LAMA2: variants seen among roughly 807,000 people sequenced by gnomAD.
LAMA2 encodes laminin subunit alpha 2.
LAMA2 carries 269 observed loss-of-function variants against 364.8 expected under a neutral mutation model. That is an observed-to-expected ratio of 0.74 (90% CI 0.67 to 0.82). The LOEUF is 0.82. Among genes scored for constraint, LAMA2 ranks in the 40% least tolerant of loss-of-function variants. The pLI is 0.00. For synonymous variants in LAMA2, 1,379 were observed against 1,370.6 expected, an observed-to-expected ratio of 1.01 and a Z score of -0.14; for missense variants, 3,807 against 3,873.2, an observed-to-expected ratio of 0.98 and a Z score of 0.45.
intron 3 of LAMA2, among the ~76,000 whole-genome samples, chr6:129,077,858 G>T (rs1393792871): frequency 6.6e-6 from 1 of 152,132 alleles, no homozygotes; most frequent in Non-Finnish European, 1.5e-5. Flanking sequence ...ACTAAATCAG[G>T]ATTTGAGGGA....
At chr6:129,493,661 A>G (rs1785001998) in intron 58 of LAMA2, among the ~76,000 whole-genome samples, 1 of 152,234 alleles carries the variant, frequency 6.6e-6, no homozygotes, top group African/African-American at 2.4e-5. Context: ...TCACCAGCCC[A>G]GGGCTAAACA....
At chr6:129,360,958 G>A (rs1297788038) in intron 32 of LAMA2, among the ~76,000 whole-genome samples, 1 of 152,114 alleles carries the variant, frequency 6.6e-6, no homozygotes, top group Admixed American at 6.6e-5. Context: ...ATCTAGTAAG[G>A]AGTATCTAGC....
chr6:129,257,844 T>A (rs564631355), intron 14 of LAMA2, among the ~76,000 whole-genome samples: 2 of 152,246 alleles, frequency 1.3e-5, no homozygotes, highest in African/African-American at 4.8e-5. Context: ...AAGTAATTTG[T>A]CTTTTACTTT....
intron 27 of LAMA2, 27 bp from the exon 28 acceptor site, chr6:129,320,511 A>T: frequency 1.6e-6 from 2 of 1,281,020 alleles, no homozygotes; most frequent in Non-Finnish European, 2.3e-6. Context: ...TGTCATAGTA[A>T]TCTAAGTACA....
chr6:129,059,322 A>T (rs1788720595), intron 2 of LAMA2, among the ~76,000 whole-genome samples: 1 of 152,162 alleles, frequency 6.6e-6, no homozygotes, highest in Admixed American at 6.5e-5. Flanking sequence ...ATAATAATGA[A>T]TGTGTCAGAA....
intron 12 of LAMA2, among the ~76,000 whole-genome samples, chr6:129,249,678 G>A (rs1786032508): frequency 6.6e-6 from 1 of 152,106 alleles, no homozygotes. Flanking sequence ...CTGTCAAATG[G>A]AGGGATGTCT....
intron 1 of LAMA2, among the ~76,000 whole-genome samples, chr6:128,960,427 C>T (rs1022978056): frequency 1.3e-5 from 2 of 151,108 alleles, no homozygotes; most frequent in Non-Finnish European, 2.9e-5. Context: ...CAGCCTCTGC[C>T]TCCCAGGTTC....
At chr6:129,152,056 A>C (rs1778838128) in intron 7 of LAMA2, among the ~76,000 whole-genome samples, 1 of 152,236 alleles carries the variant, frequency 6.6e-6, no homozygotes. Flanking sequence ...TACAACAAAC[A>C]TGACAAGGGG....
intron 1 of LAMA2, among the ~76,000 whole-genome samples, chr6:128,932,531 C>T (rs1401990180): frequency 6.6e-6 from 1 of 151,964 alleles, no homozygotes; most frequent in Non-Finnish European, 1.5e-5. Context: ...TTTCACTGTA[C>T]ACCCTAAAAA....
chr6:128,990,070 T>C (rs932985000), intron 1 of LAMA2, among the ~76,000 whole-genome samples: 2 of 152,212 alleles, frequency 1.3e-5, no homozygotes, highest in African/African-American at 4.8e-5. Flanking sequence ...TAAAATGCTT[T>C]CTTATTCTTT....
At chr6:129,059,956 TG>T (rs1446757061) in intron 3 of LAMA2, 60 bp downstream of exon 3, 1 of 926,762 alleles carries the variant, frequency 1.1e-6, no homozygotes, top group Non-Finnish European at 1.8e-6. Context: ...ATTTGCTATT[TG>T]TTTAGTTAGT....
chr6:129,456,484 G>A lies in LAMA2; in HGVS notation c.6857G>A (p.Gly2286Glu). Reference sequence around the variant, plus strand: ...ATGCTGTTTGTTGGTGGCCTGACTGGGAAATTAAAGGTAATGTGTTCATCC... The same window carrying A: ...ATGCTGTTTGTTGGTGGCCTGACTGAGAAATTAAAGGTAATGTGTTCATCC... ...NAMLFVGGLT[G>E]KLKKADAVRV... The change falls in exon 48 of 65, where the codon GGG becomes GAG. Residue 2286 changes from glycine to glutamate, a missense_variant. Gly to Glu is a moderately conservative substitution (Grantham distance 98). This residue lies in a region of LAMA2 where 3,333 missense variants were observed against 3,345.7 expected (regional missense o/e 1.00). Transcript: ENST00000421865. 6.2e-7 allele frequency: 1 copy of A among 1,613,090 alleles called. No homozygotes were observed. The highest frequency in any genetic ancestry group is 1.7e-4 in the Middle Eastern group (1 of 6,058).
chr6:129,410,753 G>GATAC (rs1420571883), intron 40 of LAMA2, among the ~76,000 whole-genome samples: 1 of 131,402 alleles, frequency 7.6e-6, no homozygotes, highest in African/African-American at 3.0e-5. Context: ...TAGATAGATA[G>GATAC]ATAATAGATT....
At chr6:128,933,521 C>A (rs1277078474) in intron 1 of LAMA2, among the ~76,000 whole-genome samples, 2 of 152,092 alleles carry the variant, frequency 1.3e-5, no homozygotes, top group Admixed American at 1.3e-4. Context: ...GTGGCTATGC[C>A]TATTTACATT....
intron 32 of LAMA2, among the ~76,000 whole-genome samples, chr6:129,363,850 C>T (rs778874955): frequency 3.0e-4 from 46 of 152,266 alleles, no homozygotes; most frequent in Non-Finnish European, 6.2e-4. Flanking sequence ...TAACTGAGTT[C>T]TATGTTGTGT....
At chr6:129,257,070 A>G (rs570838896) in intron 14 of LAMA2, among the ~76,000 whole-genome samples, 512 of 152,026 alleles carry the variant, frequency 3.4e-3, no homozygotes, top group South Asian at 0.01. Context: ...ATAAGAGGGA[A>G]GAGTCAGCTA....
chr6:129,245,640 G>A (rs1235892785), intron 12 of LAMA2, among the ~76,000 whole-genome samples: 1 of 152,128 alleles, frequency 6.6e-6, no homozygotes, highest in Non-Finnish European at 1.5e-5. Context: ...GTTAATGGAT[G>A]AATTTTTTTA....
intron 1 of LAMA2, among the ~76,000 whole-genome samples, chr6:128,989,914 T>G (rs2114657387): frequency 6.6e-6 from 1 of 152,212 alleles, no homozygotes; most frequent in East Asian, 1.9e-4. Context: ...CCTCGCATGA[T>G]GAAAGGGAGC....
At chr6:129,436,630 A>G (rs969382449) in intron 41 of LAMA2, among the ~76,000 whole-genome samples, 1 of 152,144 alleles carries the variant, frequency 6.6e-6, no homozygotes, top group Non-Finnish European at 1.5e-5. Context: ...AAATTCTAAT[A>G]AACTTATTAA....
Sources: allele counts gnomAD v4.1 joint callset (sites outside exome capture counted in the v4.1 genomes callset), GRCh38; gene constraint gnomAD v4.1.1; regional missense constraint gnomAD v4.1.1; transcripts MANE v1.5; gene names NCBI Gene and HGNC (gene_info 2026-07-23, HGNC 2026-07-21).